The following KCND3 variants were observed in gnomAD, a reference collection of about 807,000 sequenced individuals.
KCND3 encodes potassium voltage-gated channel subfamily D member 3.
KCND3 carries 9 observed loss-of-function variants against 51.1 expected under a neutral mutation model. The ratio of observed to expected loss-of-function variants is 0.18; its 90% CI spans 0.11 to 0.31. The LOEUF (loss-of-function observed/expected upper bound fraction) is 0.31, where lower values mean the gene tolerates loss of function less well. KCND3 is among the 10% of genes least tolerant of loss of function. KCND3 has a pLI of 1.00. For synonymous variants in KCND3, 349 were observed against 368.0 expected (o/e 0.95, Z 0.59); for missense variants, 526 against 903.8 (o/e 0.58, Z 5.36).
intron 2 of KCND3, among the ~76,000 whole-genome samples, chr1:111,919,680 CA>C (rs1671388054): frequency 6.6e-6 from 1 of 152,138 alleles, no homozygotes; most frequent in Non-Finnish European, 1.5e-5. Context: ...GCAGGCTGGG[CA>C]AATTTACACA....
Position 111,982,846 on chromosome 1 carries a change from G to T in KCND3, c.-72-48C>A. On this transcript the variant is annotated intron_variant, in intron 1 of 7. Transcript: ENST00000302127. The surrounding 1 kb of genome is among the most constrained non-coding windows in gnomAD (Gnocchi z 8.5). ...GAGAAGCGGTGAGTCCATATCGACT[G>T]GCAGGTAAGAAATGGGACACAGGAA... 1 of 1,371,496 alleles carries T rather than the reference G, an allele frequency of 7.3e-7. No homozygotes were observed. The highest frequency in any genetic ancestry group is 1.0e-6 in the Non-Finnish European group (1 of 1,000,934). The allele number at this position is 1,371,496 out of a possible 1,614,324, so 85.0% of individuals were successfully genotyped here. A position where few individuals can be genotyped will look rare whatever the true frequency, so the allele number is the denominator to read the frequency against.
chr1:111,794,085 G>A (rs1292830240), intron 2 of KCND3, among the ~76,000 whole-genome samples: 1 of 152,214 alleles, frequency 6.6e-6, no homozygotes, highest in Non-Finnish European at 1.5e-5. Context: ...GGGGCTCAGG[G>A]ACTCTGCTTT....
At chr1:111,887,132 A>G (rs1669605270) in intron 2 of KCND3, among the ~76,000 whole-genome samples, 1 of 152,124 alleles carries the variant, frequency 6.6e-6, no homozygotes, top group Admixed American at 6.5e-5. Context: ...GTGGTCTGTA[A>G]AGAAGTCAAA....
At chr1:111,877,399 G>A (rs1233410293) in intron 2 of KCND3, among the ~76,000 whole-genome samples, 4 of 152,230 alleles carry the variant, frequency 2.6e-5, no homozygotes, top group African/African-American at 9.6e-5. Flanking sequence ...ACACTAGAAG[G>A]TGGCAGGGGG....
At chr1:111,916,164 A>G (rs188882548) in intron 2 of KCND3, among the ~76,000 whole-genome samples, 26 of 152,314 alleles carry the variant, frequency 1.7e-4, no homozygotes, top group African/African-American at 6.3e-4. Flanking sequence ...CTAAGATAAG[A>G]CCGTATTCTA....
chr1:111,966,916 G>A (rs1191470998), intron 2 of KCND3, among the ~76,000 whole-genome samples: 1 of 152,014 alleles, frequency 6.6e-6, no homozygotes, highest in East Asian at 1.9e-4. Flanking sequence ...CAAGGTGGGC[G>A]GAACACCTGA....
Position 111,989,572 on chromosome 1 carries a change from CCG to C in KCND3, c.-142_-141del, listed in dbSNP as rs1416887346. Among the ~76,000 whole-genome samples, 5 of 148,676 alleles carry C rather than the reference CCG, an allele frequency of 3.4e-5. No homozygotes were observed. The highest frequency in any genetic ancestry group is 2.0e-4 in the Admixed American group (3 of 14,944). On this transcript the variant is annotated 5_prime_UTR_variant, in exon 1 of 8. Transcript: ENST00000302127. ...CGCGCGAGGAAGCTGCGGCCGGGAGCCGGGGCCGCGGAGGCGCCGAGCGCCCA... is the reference window on the plus strand; with the variant it reads ...CGCGCGAGGAAGCTGCGGCCGGGAGCGGGCCGCGGAGGCGCCGAGCGCCCA...
chr1:111,894,807 C>G (rs925852468), intron 2 of KCND3, among the ~76,000 whole-genome samples: 3 of 152,162 alleles, frequency 2.0e-5, no homozygotes, highest in African/African-American at 7.2e-5. Flanking sequence ...GCCTGCCTGA[C>G]CTTTCTACAG....
At chr1:111,897,351 A>G (rs1429929861) in intron 2 of KCND3, among the ~76,000 whole-genome samples, 1 of 152,214 alleles carries the variant, frequency 6.6e-6, no homozygotes, top group Non-Finnish European at 1.5e-5. Flanking sequence ...CCAGAAAAAT[A>G]TGGACTCAGC....
Position 111,793,244 on chromosome 1 carries a change from C to T in KCND3, c.1107-6138G>A, listed in dbSNP as rs146687538. 6.4e-3 allele frequency among the ~76,000 whole-genome samples: 965 copies of T among 149,738 alleles called. 5 individuals carry two copies. Among genetic ancestry groups the T allele is most frequent in the Non-Finnish European group, 9.5e-3 (641 of 67,674 alleles). On this transcript the variant is annotated intron_variant, in intron 2 of 7. Transcript: ENST00000302127. ...AGGCTGGAGTGCAGTGGTGCGATCT[C>T]GGCTCACTGCAACCTCTGCCTCCTG...
intron 2 of KCND3, among the ~76,000 whole-genome samples, chr1:111,803,516 C>G (rs999712052): frequency 2.0e-5 from 3 of 152,134 alleles, no homozygotes; most frequent in African/African-American, 7.2e-5. Flanking sequence ...ACCAAGCCCC[C>G]ACATGGACAC....
At position 111,896,048 on chromosome 1, in the gene KCND3, T is replaced by G. The variant is rs116181393; in HGVS notation, c.1106+85573A>C. On this transcript the variant is annotated intron_variant, in intron 2 of 7. Transcript: ENST00000302127. ...TGACTGCCAGGATGCGAGAGCTGAC[T>G]GCGGGCAACATGCTCCACGCGCGTT... 5.9e-3 allele frequency among the ~76,000 whole-genome samples: 893 copies of G among 152,354 alleles called. 10 individuals carry two copies. Among genetic ancestry groups the G allele is most frequent in the African/African-American group, 0.02 (827 of 41,582 alleles).
intron 2 of KCND3, among the ~76,000 whole-genome samples, chr1:111,898,088 C>T (rs1177578660): frequency 1.3e-5 from 2 of 152,190 alleles, no homozygotes; most frequent in Non-Finnish European, 2.9e-5. Context: ...TATGACCCTA[C>T]GCATGGTCCT....
intron 2 of KCND3, among the ~76,000 whole-genome samples, chr1:111,864,216 T>C (rs1349553713): frequency 6.6e-6 from 1 of 152,108 alleles, no homozygotes; most frequent in East Asian, 1.9e-4. Flanking sequence ...CAGTCCCACA[T>C]GGCACTCACT....
chr1:111,777,849 TA>T (rs772320181), intron 6 of KCND3, among the ~76,000 whole-genome samples: 2 of 152,220 alleles, frequency 1.3e-5, no homozygotes, highest in Non-Finnish European at 2.9e-5. Context: ...GATTATGGGA[TA>T]TGAGTCCTTA....
At chr1:111,814,571 G>C (rs919657320) in intron 2 of KCND3, among the ~76,000 whole-genome samples, 1 of 152,244 alleles carries the variant, frequency 6.6e-6, no homozygotes, top group African/African-American at 2.4e-5. Context: ...TGAGCGATGA[G>C]TAACTGATGT....
intron 2 of KCND3, among the ~76,000 whole-genome samples, chr1:111,808,571 T>C (rs1320369741): frequency 6.6e-6 from 1 of 152,246 alleles, no homozygotes; most frequent in African/African-American, 2.4e-5. Context: ...GTCAATGCTG[T>C]GTCAAGACAA....
At chr1:111,833,400 G>A (rs757624372) in intron 2 of KCND3, among the ~76,000 whole-genome samples, 2 of 152,202 alleles carry the variant, frequency 1.3e-5, no homozygotes, top group Non-Finnish European at 2.9e-5. Context: ...CTTTCCCAAT[G>A]AAGCCCATAG....
At chr1:111,918,590 G>C (rs1671336794) in intron 2 of KCND3, among the ~76,000 whole-genome samples, 1 of 152,126 alleles carries the variant, frequency 6.6e-6, no homozygotes, top group African/African-American at 2.4e-5. Context: ...GTGCTTTGGG[G>C]GCACAGAGGA....
Sources: allele counts gnomAD v4.1 joint callset (sites outside exome capture counted in the v4.1 genomes callset), GRCh38; gene constraint gnomAD v4.1.1; non-coding constraint Gnocchi (gnomAD v3.1); transcripts MANE v1.5; gene names NCBI Gene and HGNC (gene_info 2026-07-23, HGNC 2026-07-21).